Variants in GRIN2A observed in about 807,000 individuals in gnomAD.
GRIN2A encodes glutamate ionotropic receptor NMDA type subunit 2A.
GRIN2A carries 22 observed loss-of-function variants against 113.4 expected under a neutral mutation model. The observed-to-expected ratio is 0.19, with a 90% CI of 0.14 to 0.28. The LOEUF (loss-of-function observed/expected upper bound fraction) is 0.28. Among genes scored for constraint, GRIN2A ranks in the 10% least tolerant of loss-of-function variants. The probability of loss-of-function intolerance (pLI) is 1.00; values close to 1 mark genes in which losing one functional copy is unlikely to be tolerated. For missense variants in GRIN2A, 1,502 were observed against 1,887.0 expected (o/e 0.80, Z 3.78); for synonymous variants, 827 against 738.4 (o/e 1.12, Z -1.94).
chr16:9,925,384 T>C (rs1233530843), intron 3 of GRIN2A, among the ~76,000 whole-genome samples: 1 of 152,230 alleles, frequency 6.6e-6, no homozygotes, highest in African/African-American at 2.4e-5. Flanking sequence ...GCTTCTTTCT[T>C]TGGCTTTAGG....
intron 4 of GRIN2A, among the ~76,000 whole-genome samples, chr16:9,884,917 T>G (rs962493741): frequency 4.0e-5 from 6 of 151,708 alleles, no homozygotes; most frequent in Non-Finnish European, 8.8e-5. Context: ...TTTTGTATTT[T>G]TAGTAGAGAC....
intron 2 of GRIN2A, among the ~76,000 whole-genome samples, chr16:10,056,618 T>G (rs1353123894): frequency 6.6e-6 from 1 of 152,122 alleles, no homozygotes; most frequent in Non-Finnish European, 1.5e-5. Flanking sequence ...CATACTGAAT[T>G]TGGACCCCAG....
Position 10,026,249 on chromosome 16 carries a change from C to A in GRIN2A, c.415-87698G>T, listed in dbSNP as rs184353844. Among the ~76,000 whole-genome samples the A allele has an allele frequency of 1.9e-4, 29 of 152,256 alleles. 1 individual carries two copies. The East Asian group carries it at 5.4e-3, about 28-fold the overall frequency. ...TAATTGGATGAGTTGGGGCAAGTCA[C>A]GTCACCTTCCTAAGCCTCAGTTTGC... On this transcript the variant is annotated intron_variant, in intron 2 of 12. Coordinates refer to ENST00000330684, the MANE Select transcript of GRIN2A (RefSeq NM_001134407.3).
rs76056402 is a variant in GRIN2A, at chr16:9,918,881, G to A, written c.1007+19078C>T. 8.7e-3 allele frequency among the ~76,000 whole-genome samples: 1,327 copies of A among 151,924 alleles called. 22 individuals are homozygous for A. The highest frequency in any genetic ancestry group is 0.03 in the African/African-American group (1,255 of 41,422). ...CCACTACGGGCGTTTAGTGGTTAAT[G>A]TCTGAAATTGGAGCGGCGCGGTGGC... On this transcript the variant is annotated intron_variant, in intron 3 of 12. Transcript: ENST00000330684.
intron 2 of GRIN2A, among the ~76,000 whole-genome samples, chr16:10,009,482 G>A (rs993279179): frequency 6.6e-6 from 1 of 152,088 alleles, no homozygotes; most frequent in African/African-American, 2.4e-5. Flanking sequence ...GAAACCATAA[G>A]TGCCCTTTTA....
intron 2 of GRIN2A, among the ~76,000 whole-genome samples, chr16:10,128,474 A>G (rs2048991843): frequency 6.6e-6 from 1 of 152,196 alleles, no homozygotes; most frequent in Admixed American, 6.5e-5. Flanking sequence ...AGAAGAGGCC[A>G]TTACAGAATG....
chr16:9,898,890 T>C (rs1426640281), intron 3 of GRIN2A, among the ~76,000 whole-genome samples: 1 of 151,904 alleles, frequency 6.6e-6, no homozygotes, highest in Non-Finnish European at 1.5e-5. Flanking sequence ...CATCTTCCAT[T>C]AACTATTCCC....
At chr16:9,906,204 C>G (rs188470641) in intron 3 of GRIN2A, among the ~76,000 whole-genome samples, 1 of 152,170 alleles carries the variant, frequency 6.6e-6, no homozygotes, top group Admixed American at 6.5e-5. Context: ...TTCTCAAAAC[C>G]CTGAAATGGA....
intron 4 of GRIN2A, among the ~76,000 whole-genome samples, chr16:9,886,661 C>T (rs936826237): frequency 6.6e-6 from 1 of 152,004 alleles, no homozygotes; most frequent in African/African-American, 2.4e-5. Flanking sequence ...AAGGATAGGG[C>T]CTGGTACACA....
chr16:9,796,159 G>A (rs1902969444), intron 11 of GRIN2A, among the ~76,000 whole-genome samples: 2 of 152,236 alleles, frequency 1.3e-5, no homozygotes, highest in African/African-American at 4.8e-5. Context: ...CTTCGAGAGT[G>A]ACACCAATGG....
chr16:10,102,211 G>C (rs2048413594), intron 2 of GRIN2A, among the ~76,000 whole-genome samples: 1 of 152,232 alleles, frequency 6.6e-6, no homozygotes, highest in Admixed American at 6.5e-5. Flanking sequence ...CTGGCGGGAG[G>C]CCATTAGATC....
rs1201618666 is a variant in GRIN2A, at chr16:9,758,777, A to G, written c.*4372T>C. The G allele has an allele frequency of 4.7e-6, 1 of 213,904 alleles. No individual in the cohort carries two copies. The highest frequency in any genetic ancestry group is 5.9e-5 in the Admixed American group (1 of 17,066). 13.3% of individuals were successfully genotyped at this position (213,904 alleles called of 1,614,324 possible). On this transcript the variant is annotated 3_prime_UTR_variant, in exon 13 of 13. Coordinates refer to ENST00000330684, the MANE Select transcript of GRIN2A (RefSeq NM_001134407.3). ...ATTGAATGGGAAACAGTAACTGCATATTGGGAGAACTTTTCAAGTATAGAC... is the reference window on the plus strand; with the variant it reads ...ATTGAATGGGAAACAGTAACTGCATGTTGGGAGAACTTTTCAAGTATAGAC...
rs578205863 is a variant in GRIN2A, at chr16:9,822,630, G to C, written c.2008-206C>G. Among the ~76,000 whole-genome samples the C allele has an allele frequency of 1.2e-4, 18 of 152,252 alleles. No homozygotes were observed. In the East Asian group the frequency reaches 2.9e-3, roughly 24 times the overall value. ...TCTTCAGCCAGTCTGTGAGCTCCAG[G>C]AGGGTGGACACAGCATCTGTTTTCT... On this transcript the variant is annotated intron_variant, in intron 9 of 12. Coordinates refer to ENST00000330684, the MANE Select transcript of GRIN2A (RefSeq NM_001134407.3).
At chr16:9,778,595 G>C (rs1901750333) in intron 11 of GRIN2A, among the ~76,000 whole-genome samples, 1 of 152,224 alleles carries the variant, frequency 6.6e-6, no homozygotes, top group African/African-American at 2.4e-5. Flanking sequence ...TGGCTAAACT[G>C]GGTTTCCAGT....
chr16:10,117,450 A>C (rs1481675858), intron 2 of GRIN2A, among the ~76,000 whole-genome samples: 1 of 151,620 alleles, frequency 6.6e-6, no homozygotes, highest in African/African-American at 2.4e-5. Context: ...TGAGTATAGG[A>C]GAGTTATCTC....
At chr16:10,153,333 T>G (rs1567336503) in intron 2 of GRIN2A, among the ~76,000 whole-genome samples, 2 of 152,172 alleles carry the variant, frequency 1.3e-5, no homozygotes, top group African/African-American at 4.8e-5. Flanking sequence ...CCACAAGTAC[T>G]GGATATATTG....
At chr16:10,031,786 C>T (rs1214917291) in intron 2 of GRIN2A, among the ~76,000 whole-genome samples, 1 of 152,226 alleles carries the variant, frequency 6.6e-6, no homozygotes, top group Non-Finnish European at 1.5e-5. Flanking sequence ...CAAATGTGGC[C>T]TGAGGGTCTC....
rs2141126442 is a variant in GRIN2A, at chr16:9,763,424, C to T, written c.4120G>A (p.Asp1374Asn). The T allele has an allele frequency of 6.2e-7, 1 of 1,614,104 alleles. No homozygotes were observed. The part of the protein sequence containing the change: ...DNPFLHSHRD[D>N]QRLVIGRCPS... Reference sequence around the variant, plus strand: ...CATCTCCCAATAACCAAGCGTTGGTCATCCCTGTGGGAGTGGAGGAAAGGG... The same window carrying T: ...CATCTCCCAATAACCAAGCGTTGGTTATCCCTGTGGGAGTGGAGGAAAGGG... Residue 1374 changes from aspartate (D) to asparagine (N), a missense_variant, in exon 13 of 13, where the codon GAC becomes AAC. This residue lies in a region of GRIN2A where 832 missense variants were observed against 789.7 expected (regional missense o/e 1.05). Coordinates refer to ENST00000330684, the MANE Select transcript of GRIN2A (RefSeq NM_001134407.3).
At chr16:9,880,902 T>C (rs2043467174) in intron 4 of GRIN2A, among the ~76,000 whole-genome samples, 2 of 152,204 alleles carry the variant, frequency 1.3e-5, no homozygotes, top group Non-Finnish European at 2.9e-5. Context: ...TTATGGCACC[T>C]CACATGCTCT....
Sources: allele counts gnomAD v4.1 joint callset (sites outside exome capture counted in the v4.1 genomes callset), GRCh38; gene constraint gnomAD v4.1.1; regional missense constraint gnomAD v4.1.1; transcripts MANE v1.5; gene names NCBI Gene and HGNC (gene_info 2026-07-23, HGNC 2026-07-21).